Variants in ZNF808 observed in about 807,000 individuals in gnomAD.
The protein encoded by ZNF808 is zinc finger protein 808.
A neutral mutation model predicts 8.7 loss-of-function variants in ZNF808; 5 were observed. The ratio of observed to expected loss-of-function variants is 0.58; its 90% CI spans 0.30 to 1.21. The LOEUF (loss-of-function observed/expected upper bound fraction) is 1.21, where lower values mean the gene tolerates loss of function less well. Among genes scored for constraint, ZNF808 ranks in the 50% most tolerant of loss-of-function variants. The pLI is 0.07. For synonymous variants in ZNF808, 380 were observed against 366.0 expected, an observed-to-expected ratio of 1.04 and a Z score of -0.44; for missense variants, 1,103 against 1,098.4, an observed-to-expected ratio of 1.00 and a Z score of -0.06.
rs1316031307 is a variant in ZNF808, at chr19:52,553,355, G to A, written c.439G>A (p.Ala147Thr). 6.2e-7 allele frequency: 1 copy of A among 1,614,114 alleles called. No individual in the cohort carries two copies. Among genetic ancestry groups the A allele is most frequent in the Admixed American group, 1.7e-5 (1 of 60,022 alleles). The change falls in exon 5 of 5, where the codon GCT becomes ACT. Residue 147 changes from alanine (A) to threonine (T), a missense_variant. Ala to Thr is a moderately conservative substitution (Grantham distance 58). Coordinates refer to ENST00000359798, the MANE Select transcript of ZNF808 (RefSeq NM_001039886.4). ...GSTDQHDHRHAGNKPIKDQLG... is the reference protein window; with the variant it reads ...GSTDQHDHRHTGNKPIKDQLG... ...CACAGACCAACATGATCACAGGCAT[G>A]CTGGAAACAAGCCTATTAAAGATCA...
Position 52,543,359 on chromosome 19 carries a change from T to G in ZNF808, c.63+12T>G. 1 of 1,611,952 alleles carries G rather than the reference T, an allele frequency of 6.2e-7. No homozygotes were observed. Among genetic ancestry groups the G allele is most frequent in the Non-Finnish European group, 8.5e-7 (1 of 1,179,606 alleles). ...TGGCTCTTCCTCAGGTGAAGTGATA[T>G]TCCTCTGTGGATTAATCTGTCTCTT... On this transcript the variant is annotated intron_variant, in intron 3 of 4. Coordinates refer to ENST00000359798, the MANE Select transcript of ZNF808 (RefSeq NM_001039886.4).
At position 52,555,718 on chromosome 19, in the gene ZNF808, T is replaced by C; in HGVS notation, c.*90T>C. ...ATGAAGAGAAATCTTCTGAGTGTAA[T>C]AAATGTGGCATGTTTTTCAGACATT... On this transcript the variant is annotated 3_prime_UTR_variant, in exon 5 of 5. Transcript: ENST00000359798. The C allele has an allele frequency of 6.6e-7, 1 of 1,521,220 alleles. No individual in the cohort carries two copies. 94.2% of individuals were successfully genotyped at this position (1,521,220 alleles called of 1,614,324 possible). A position where few individuals can be genotyped will look rare whatever the true frequency, so the allele number is the denominator to read the frequency against.
chr19:52,560,910 T>C (rs117735796), downstream of ZNF808, among the ~76,000 whole-genome samples: 690 of 152,222 alleles, frequency 4.5e-3, 3 homozygotes, highest in Non-Finnish European at 6.4e-3. Context: ...AGCCTATTGA[T>C]TTTGTAATAG....
intron 3 of ZNF808, among the ~76,000 whole-genome samples, chr19:52,545,717 G>T (rs1218763097): frequency 6.6e-6 from 1 of 152,042 alleles, no homozygotes; most frequent in Non-Finnish European, 1.5e-5. Context: ...GGCACAGGTT[G>T]CAGTGAGCTG....
Position 52,554,858 on chromosome 19 carries a change from G to A in ZNF808, c.1942G>A (p.Glu648Lys). ...ACGACATACAAGAATTCACACTGGA[G>A]AAAAAACTTACAAGTGTAATGAGTG... ...LARHTRIHTG[E>K]KTYKCNECGK... Residue 648 changes from glutamate to lysine, a missense_variant, in exon 5 of 5, where the codon GAA becomes AAA. Transcript: ENST00000359798. The A allele has an allele frequency of 6.2e-7, 1 of 1,614,132 alleles. No homozygotes were observed. Among genetic ancestry groups the A allele is most frequent in the South Asian group, 1.1e-5 (1 of 91,088 alleles).
chr19:52,566,955 GTGT>G (rs1317951619), downstream of ZNF808, among the ~76,000 whole-genome samples: 195 of 79,100 alleles, frequency 2.5e-3, 1 homozygote, highest in African/African-American at 7.0e-3. Flanking sequence ...CCAAGGATAG[GTGT>G]TTTTTTTTTT....
At position 52,555,341 on chromosome 19, in the gene ZNF808, CAT is replaced by C. The variant is rs1208894985; in HGVS notation, c.2428_2429del (p.Ile810Ter). 5.0e-6 allele frequency: 8 copies of C among 1,614,164 alleles called. No homozygotes were observed. The highest frequency in any genetic ancestry group is 6.8e-6 in the Non-Finnish European group (8 of 1,180,038). On this transcript the variant is annotated frameshift_variant, in exon 5 of 5. Transcript: ENST00000359798. LOFTEE classifies it low-confidence loss of function (END_TRUNC). ...AFVRNSYLAR[H>X]IRIHTAEKPY... is the part of the protein sequence containing the mutation. ...CGTGCGTAATTCATACCTGGCAAGA[CAT>C]ATTAGAATTCACACTGCAGAGAAAC...
downstream of ZNF808, among the ~76,000 whole-genome samples, chr19:52,566,220 C>T (rs758927614): frequency 2.6e-5 from 4 of 151,982 alleles, no homozygotes; most frequent in African/African-American, 4.8e-5. Flanking sequence ...GGCTGGAGTG[C>T]AATGGTGCGA....
chr19:52,561,239 T>C (rs28620128), downstream of ZNF808, among the ~76,000 whole-genome samples: 44,448 of 133,236 alleles, frequency 0.33, 8,264 homozygotes, highest in Middle Eastern at 0.43. Flanking sequence ...TATATATATA[T>C]ACACTTTTTT....
intron 2 of ZNF808, among the ~76,000 whole-genome samples, chr19:52,537,852 T>C (rs1161575202): frequency 6.6e-6 from 1 of 152,174 alleles, no homozygotes; most frequent in Non-Finnish European, 1.5e-5. Context: ...GTGAGCCATG[T>C]ATGTTCTATA....
downstream of ZNF808, among the ~76,000 whole-genome samples, chr19:52,567,822 G>A (rs2146971923): frequency 6.6e-6 from 1 of 152,164 alleles, no homozygotes; most frequent in African/African-American, 2.4e-5. Context: ...ACCGCGCCCG[G>A]CCTGAAGTAG....
intron 4 of ZNF808, among the ~76,000 whole-genome samples, chr19:52,551,943 C>G (rs1341105936): frequency 6.6e-6 from 1 of 152,058 alleles, no homozygotes; most frequent in Admixed American, 6.6e-5. Context: ...GCAGAGGTTG[C>G]AGTGAGCTGA....
intron 4 of ZNF808, among the ~76,000 whole-genome samples, chr19:52,549,194 G>A (rs545152178): frequency 6.6e-5 from 10 of 152,060 alleles, no homozygotes; most frequent in African/African-American, 2.4e-4. Flanking sequence ...TGGCCTGGCC[G>A]GTCTTGAACT....
chr19:52,546,188 GTT>G (rs35937083), intron 3 of ZNF808, among the ~76,000 whole-genome samples: 1,805 of 140,268 alleles, frequency 0.013, 16 homozygotes, highest in African/African-American at 0.043. Flanking sequence ...CATCATAACA[GTT>G]TTTTTTTTTT....
chr19:52,541,776 A>G (rs766541077), intron 2 of ZNF808, among the ~76,000 whole-genome samples: 1 of 151,756 alleles, frequency 6.6e-6, no homozygotes, highest in Non-Finnish European at 1.5e-5. Context: ...ACCCACTTAC[A>G]CGACTCCATG....
downstream of ZNF808, among the ~76,000 whole-genome samples, chr19:52,561,243 CT>C (rs1367111860): frequency 2.7e-5 from 3 of 110,434 alleles, no homozygotes; most frequent in East Asian, 3.1e-4. Context: ...TATATATACA[CT>C]TTTTTTATTA....
Position 52,554,781 on chromosome 19 carries a change from C to T in ZNF808, c.1865C>T (p.Pro622Leu), listed in dbSNP as rs181918449. ...AAGAGAATTCATACTGGAGAGAAAC[C>T]ATACAGATGTCAGGTTTGTGACACA... is the stretch of plus-strand genomic sequence containing the variant. ...SHKRIHTGEK[P>L]YRCQVCDTAF... Residue 622 changes from proline to leucine, a missense_variant, in exon 5 of 5, where the codon CCA (proline) becomes CTA (leucine). Pro to Leu is a moderately conservative substitution (Grantham distance 98). Transcript: ENST00000359798. 3.7e-6 allele frequency: 6 copies of T among 1,613,912 alleles called. No homozygotes were observed. The highest frequency in any genetic ancestry group is 1.1e-5 in the South Asian group (1 of 91,078).
chr19:52,552,117 A>G (rs1043315887), intron 4 of ZNF808, among the ~76,000 whole-genome samples: 3 of 151,674 alleles, frequency 2.0e-5, no homozygotes, highest in Admixed American at 1.3e-4. Flanking sequence ...TCCTGGGTTC[A>G]TACCATTCTC....
chr19:52,546,610 C>G (rs1427191004), intron 3 of ZNF808, among the ~76,000 whole-genome samples: 1 of 149,810 alleles, frequency 6.7e-6, no homozygotes, highest in Admixed American at 6.7e-5. Flanking sequence ...AACATAATAG[C>G]TGACATGTCT....
Sources: gnomAD v4.1 joint callset for allele counts (sites outside exome capture counted in the v4.1 genomes callset) on GRCh38, gnomAD v4.1.1 for gene constraint, MANE v1.5 for transcripts, NCBI Gene and HGNC (gene_info 2026-07-23, HGNC 2026-07-21) for gene names.